Variants in CDK5RAP2 observed in about 807,000 individuals in gnomAD.
The protein encoded by CDK5RAP2 is CDK5 regulatory subunit-associated protein 2.
A neutral mutation model predicts 232.9 loss-of-function variants in CDK5RAP2; 147 were observed. That is an observed-to-expected ratio of 0.63 (90% CI 0.55 to 0.72). The LOEUF is 0.72. Ranked by LOEUF, CDK5RAP2 falls within the 30% of genes least tolerant of loss-of-function variation. CDK5RAP2 has a pLI of 0.00. For synonymous variants in CDK5RAP2, 833 were observed against 833.7 expected (o/e 1.00, Z 0.01); for missense variants, 2,195 against 2,231.5 (o/e 0.98, Z 0.33).
At chr9:120,400,672 G>T in intron 35 of CDK5RAP2, 70 bp downstream of exon 35, 1 of 1,590,062 alleles carries the variant, frequency 6.3e-7, no homozygotes, top group Non-Finnish European at 8.6e-7. Flanking sequence ...GCCCCTGCTT[G>T]GCATGGAGGA....
Position 120,487,272 on chromosome 9 carries a change from G to C in CDK5RAP2, c.1626+22C>G, listed in dbSNP as rs369402132. On this transcript the variant is annotated intron_variant, in intron 14 of 37. Coordinates refer to ENST00000349780, the MANE Select transcript of CDK5RAP2 (RefSeq NM_018249.6). ...TGTATGAATCCATTCGCATGTGAAT[G>C]TCCAATTTCAGTCAAGCTTACCTTA... is the stretch of plus-strand genomic sequence containing the variant. 5 of 1,613,498 alleles carry C rather than the reference G, an allele frequency of 3.1e-6. No individual in the cohort carries two copies. The African/African-American group carries it at 6.7e-5, about 22-fold the overall frequency.
intron 1 of CDK5RAP2, among the ~76,000 whole-genome samples, chr9:120,579,147 T>TAA (rs1408822292): frequency 6.6e-6 from 1 of 152,140 alleles, no homozygotes; most frequent in African/African-American, 2.4e-5. Context: ...TTGGGGCAGG[T>TAA]CCATGGGAGG....
chr9:120,470,553 A>G (rs2037640017), intron 16 of CDK5RAP2, among the ~76,000 whole-genome samples: 1 of 152,240 alleles, frequency 6.6e-6, no homozygotes, highest in African/African-American at 2.4e-5. Context: ...ATTTCAGTTT[A>G]AATGAGGGAC....
intron 25 of CDK5RAP2, among the ~76,000 whole-genome samples, chr9:120,436,634 C>T (rs977060927): frequency 1.3e-5 from 2 of 152,142 alleles, no homozygotes; most frequent in African/African-American, 4.8e-5. Flanking sequence ...CATCAATCCA[C>T]TCTCATAGAG....
intron 17 of CDK5RAP2, among the ~76,000 whole-genome samples, chr9:120,469,437 G>C (rs937783245): frequency 2.6e-5 from 4 of 152,118 alleles, no homozygotes; most frequent in Non-Finnish European, 5.9e-5. Flanking sequence ...TCTTCTATCA[G>C]AATGTAAATT....
At chr9:120,492,711 T>C (rs2038968348) in intron 12 of CDK5RAP2, among the ~76,000 whole-genome samples, 1 of 152,188 alleles carries the variant, frequency 6.6e-6, no homozygotes. Flanking sequence ...AAAAAAATCT[T>C]AAACTGTTTT....
intron 18 of CDK5RAP2, among the ~76,000 whole-genome samples, chr9:120,466,366 T>A (rs1306529155): frequency 1.3e-5 from 2 of 152,076 alleles, no homozygotes; most frequent in African/African-American, 4.8e-5. Context: ...ACCTTTCCCA[T>A]CCCATTCTGG....
At chr9:120,509,101 T>C (rs1588517957) in intron 12 of CDK5RAP2, among the ~76,000 whole-genome samples, 1 of 152,312 alleles carries the variant, frequency 6.6e-6, no homozygotes, top group South Asian at 2.1e-4. Context: ...ACTGAGATTC[T>C]CCAGAGTTTC....
At chr9:120,397,561 A>AG (rs1446275119) in intron 35 of CDK5RAP2, among the ~76,000 whole-genome samples, 1 of 131,140 alleles carries the variant, frequency 7.6e-6, no homozygotes, top group Non-Finnish European at 1.5e-5. Flanking sequence ...AAAAAAAAAA[A>AG]AAAAGAAAAA....
intron 12 of CDK5RAP2, chr9:120,517,833 G>A (rs938854665): frequency 1.6e-5 from 6 of 379,372 alleles, no homozygotes; most frequent in Non-Finnish European, 2.6e-5. Flanking sequence ...ACTGAGGTGG[G>A]AGGATCACTT....
chr9:120,485,247 C>T (rs1298726600), intron 14 of CDK5RAP2, among the ~76,000 whole-genome samples: 1 of 151,524 alleles, frequency 6.6e-6, no homozygotes, highest in Non-Finnish European at 1.5e-5. Flanking sequence ...TTAAAATACC[C>T]AACCTGTCCA....
In CDK5RAP2 at chr9:120,407,121, C is replaced by A. The variant is rs1166545602; in HGVS notation, c.4854G>T (p.Arg1618Ser). Residue 1618 changes from arginine (R) to serine (S), a missense_variant, in exon 32 of 38, where the codon AGG (arginine) becomes AGT (serine). By Grantham distance (110) the Arg-to-Ser change is moderately radical. Transcript: ENST00000349780. The stretch of plus-strand genomic sequence containing the variant: ...CCCCCCTTGCCAGCTGTTCCTTGAG[C>A]CTGCTCTGCAGAGTGCTGCTGGTTT... ...SIETSSTLQSRLKEQLARGAE... is the reference protein window; with the variant it reads ...SIETSSTLQSSLKEQLARGAE... 1.9e-6 allele frequency: 3 copies of A among 1,614,070 alleles called. No individual in the cohort carries two copies. Among genetic ancestry groups the A allele is most frequent in the Non-Finnish European group, 2.5e-6 (3 of 1,180,020 alleles).
intron 23 of CDK5RAP2, 115 bp downstream of exon 23, chr9:120,443,505 G>A (rs1314828020): frequency 4.2e-6 from 5 of 1,197,738 alleles, no homozygotes; most frequent in Non-Finnish European, 6.2e-6. Context: ...AGACTGGAAT[G>A]ATAATAATGC....
chr9:120,547,379 G>C (rs954880455), intron 4 of CDK5RAP2, among the ~76,000 whole-genome samples: 3 of 151,890 alleles, frequency 2.0e-5, no homozygotes, highest in African/African-American at 7.2e-5. Context: ...TGAGGTGGGC[G>C]GATCACTTGA....
chr9:120,508,140 G>A lies in CDK5RAP2; in HGVS notation c.1311+10287C>T, dbSNP rs539828651. On this transcript the variant is annotated intron_variant, in intron 12 of 37. Transcript: ENST00000349780. ...TTTCCACCTTATCAGGTTTCACTGC[G>A]AGAAAGCTTGTCAAAGTGCTCAGTG... Among the ~76,000 whole-genome samples the A allele has an allele frequency of 6.6e-5, 10 of 151,954 alleles. No homozygotes were observed. In the South Asian group the frequency reaches 1.7e-3, roughly 25 times the overall value.
At chr9:120,468,994 C>T (rs767239826) in intron 17 of CDK5RAP2, among the ~76,000 whole-genome samples, 18 of 152,296 alleles carry the variant, frequency 1.2e-4, no homozygotes, top group African/African-American at 3.9e-4. Context: ...ACAAGACATT[C>T]TGATTTACTA....
chr9:120,416,402 C>T (rs529451060), intron 27 of CDK5RAP2, among the ~76,000 whole-genome samples: 4 of 152,288 alleles, frequency 2.6e-5, no homozygotes, highest in African/African-American at 7.2e-5. Context: ...ATGAAGGATA[C>T]TGCAAGGAAG....
rs78446107 is a variant in CDK5RAP2, at chr9:120,524,844, A to C, written c.1092+142T>G. The C allele has an allele frequency of 6.0e-3, 3,917 of 656,214 alleles. 113 individuals carry two copies. In the African/African-American group the frequency reaches 0.062, roughly 10 times the overall value. 40.6% of individuals were successfully genotyped at this position (656,214 alleles called of 1,614,324 possible). A position where few individuals can be genotyped will look rare whatever the true frequency, so the allele number is the denominator to read the frequency against. On this transcript the variant is annotated intron_variant, in intron 11 of 37. Coordinates refer to ENST00000349780, the MANE Select transcript of CDK5RAP2 (RefSeq NM_018249.6). Reference sequence around the variant, plus strand: ...CAAATCTGGTAGAGAATTTCCCTTTAATTAGACTAGCAAATTCTATCACTG... The same window carrying C: ...CAAATCTGGTAGAGAATTTCCCTTTCATTAGACTAGCAAATTCTATCACTG...
chr9:120,540,002 G>A (rs2041559035), intron 5 of CDK5RAP2, among the ~76,000 whole-genome samples: 1 of 152,194 alleles, frequency 6.6e-6, no homozygotes, highest in Non-Finnish European at 1.5e-5. Flanking sequence ...CAATCTGTTT[G>A]CGCACTAGCT....
Sources: allele counts gnomAD v4.1 joint callset (sites outside exome capture counted in the v4.1 genomes callset), GRCh38; gene constraint gnomAD v4.1.1; transcripts MANE v1.5; gene names NCBI Gene and HGNC (gene_info 2026-07-23, HGNC 2026-07-21).